Variants in SLC35F1 observed in about 807,000 individuals in gnomAD.
SLC35F1 encodes chromosome 6 open reading frame 169.
In SLC35F1, 14 loss-of-function variants were observed where a neutral mutation model predicts 48.7. The ratio of observed to expected loss-of-function variants is 0.29; its 90% CI spans 0.19 to 0.45. The LOEUF is 0.45. SLC35F1 is among the 20% of genes least tolerant of loss of function. The pLI is 1.00. For missense variants in SLC35F1, 404 were observed against 500.0 expected (o/e 0.81, Z 1.83); for synonymous variants, 190 against 202.2 (o/e 0.94, Z 0.51).
At chr6:118,167,029 A>T (rs1774328035) in intron 2 of SLC35F1, among the ~76,000 whole-genome samples, 1 of 152,076 alleles carries the variant, frequency 6.6e-6, no homozygotes, top group African/African-American at 2.4e-5. Context: ...TTCTTTCTTC[A>T]TGAATTCACT....
chr6:118,297,661 TAATA>T (rs1776206519), intron 7 of SLC35F1, among the ~76,000 whole-genome samples: 1 of 130,970 alleles, frequency 7.6e-6, no homozygotes, highest in African/African-American at 3.1e-5. Flanking sequence ...ATAATATATA[TAATA>T]TTATATAAGT....
intron 1 of SLC35F1, among the ~76,000 whole-genome samples, chr6:117,990,784 T>C (rs1776907092): frequency 6.6e-6 from 1 of 152,026 alleles, no homozygotes; most frequent in Non-Finnish European, 1.5e-5. Context: ...AGCAGAGAGG[T>C]TGTACAGAGA....
chr6:118,285,305 C>A lies in SLC35F1; in HGVS notation c.969C>A (p.Ser323Arg). The change falls in exon 7 of 8, where the codon AGC becomes AGA. Residue 323 changes from serine to arginine, a missense_variant. Physicochemically the swap from Ser to Arg is moderately radical, Grantham distance 110. Coordinates refer to ENST00000360388, the MANE Select transcript of SLC35F1 (RefSeq NM_001029858.4). ...NLSLLTADLY[S>R]LFCGLFLFHY... ...CCTTGCTCACAGCAGACTTGTACAG[C>A]CTGTTCTGTGGATTGTTTCTCTTCC... The A allele has an allele frequency of 6.2e-7, 1 of 1,613,932 alleles. No individual in the cohort carries two copies.
rs116865599 is a variant in SLC35F1 at position 118,287,077 on chromosome 6, G to A, written c.1002+1739G>A. Among the ~76,000 whole-genome samples, 490 of 152,200 alleles carry A rather than the reference G, an allele frequency of 3.2e-3. 17 individuals are homozygous for A. The East Asian group carries it at 0.086, about 27-fold the overall frequency. Reference sequence around the variant, plus strand: ...ATGTTTATTGTTTGCAGTTTGTTTCGTCTGTATGGAACAAGCTGCTTCCCA... The same window carrying A: ...ATGTTTATTGTTTGCAGTTTGTTTCATCTGTATGGAACAAGCTGCTTCCCA... On this transcript the variant is annotated intron_variant, in intron 7 of 7. Coordinates refer to ENST00000360388, the MANE Select transcript of SLC35F1 (RefSeq NM_001029858.4).
chr6:118,112,082 CTTTCTTTTCT>C (rs202065600), intron 1 of SLC35F1, among the ~76,000 whole-genome samples: 23,492 of 131,034 alleles, frequency 0.18, 2,531 homozygotes, highest in South Asian at 0.25. Flanking sequence ...TTCTTTATTT[CTTTCTTTTCT>C]TTTCTTTTCT....
chr6:118,143,461 G>T (rs1773922165), intron 1 of SLC35F1, among the ~76,000 whole-genome samples: 1 of 152,128 alleles, frequency 6.6e-6, no homozygotes, highest in South Asian at 2.1e-4. Flanking sequence ...AAATCTGTTA[G>T]TTTCATAATA....
chr6:118,026,486 G>T (rs1191462926), intron 1 of SLC35F1, among the ~76,000 whole-genome samples: 1 of 152,202 alleles, frequency 6.6e-6, no homozygotes, highest in African/African-American at 2.4e-5. Flanking sequence ...TTTAGGATGT[G>T]TTAATAAGAA....
chr6:118,077,644 G>T (rs1284348134), intron 1 of SLC35F1, among the ~76,000 whole-genome samples: 1 of 152,184 alleles, frequency 6.6e-6, no homozygotes, highest in Admixed American at 6.5e-5. Context: ...ATATAAAAAT[G>T]CTGGACAGCA....
At chr6:118,153,521 C>T (rs1055747364) in intron 1 of SLC35F1, among the ~76,000 whole-genome samples, 2 of 152,158 alleles carry the variant, frequency 1.3e-5, no homozygotes, top group Non-Finnish European at 2.9e-5. Flanking sequence ...CCAGACAAGT[C>T]AGATGTGACT....
At chr6:117,981,729 A>G (rs945733930) in intron 1 of SLC35F1, among the ~76,000 whole-genome samples, 1 of 152,208 alleles carries the variant, frequency 6.6e-6, no homozygotes, top group Non-Finnish European at 1.5e-5. Flanking sequence ...GTTAATGTTA[A>G]GCTTTACATT....
chr6:117,997,618 T>G (rs1381221725), intron 1 of SLC35F1, among the ~76,000 whole-genome samples: 2 of 152,184 alleles, frequency 1.3e-5, no homozygotes, highest in African/African-American at 4.8e-5. Flanking sequence ...GGGGCCAATA[T>G]TCAACATTCT....
intron 2 of SLC35F1, 92 bp from the exon 3 acceptor site, chr6:118,235,417 A>G (rs916862751): frequency 1.9e-5 from 23 of 1,202,166 alleles, no homozygotes; most frequent in Middle Eastern, 4.1e-4. Flanking sequence ...GGTTAAAAAT[A>G]TATAATGTTG....
intron 4 of SLC35F1, among the ~76,000 whole-genome samples, chr6:118,268,329 G>C (rs1775803634): frequency 6.6e-6 from 1 of 151,864 alleles, no homozygotes; most frequent in Admixed American, 6.6e-5. Flanking sequence ...GACAGCCTCA[G>C]CCTCACACAT....
intron 6 of SLC35F1, among the ~76,000 whole-genome samples, chr6:118,284,026 A>AT (rs773251423): frequency 1.0e-3 from 159 of 152,250 alleles, no homozygotes; most frequent in Non-Finnish European, 1.8e-3. Context: ...GTTCAGAATA[A>AT]TTTTTTTGTA....
At position 118,311,935 on chromosome 6, in the gene SLC35F1, C is replaced by T. The variant is rs577447208; in HGVS notation, c.1003-2093C>T. On this transcript the variant is annotated intron_variant, in intron 7 of 7. Coordinates refer to ENST00000360388, the MANE Select transcript of SLC35F1 (RefSeq NM_001029858.4). Reference sequence around the variant, plus strand: ...GAAGCTAATGTGAATTGAATGTTTACAGCAAGATAGGAACTATAAGTGTTC... The same window carrying T: ...GAAGCTAATGTGAATTGAATGTTTATAGCAAGATAGGAACTATAAGTGTTC... Among the ~76,000 whole-genome samples the T allele has an allele frequency of 5.0e-4, 76 of 152,234 alleles. 1 individual carries two copies. The highest frequency in any genetic ancestry group is 1.8e-3 in the African/African-American group (75 of 41,532).
At chr6:117,996,541 C>T (rs1422705612) in intron 1 of SLC35F1, among the ~76,000 whole-genome samples, 1 of 152,180 alleles carries the variant, frequency 6.6e-6, no homozygotes, top group East Asian at 1.9e-4. Flanking sequence ...CCAGTAGGGG[C>T]AGACTGACAC....
At chr6:118,041,078 A>G (rs1462712242) in intron 1 of SLC35F1, among the ~76,000 whole-genome samples, 2 of 152,198 alleles carry the variant, frequency 1.3e-5, no homozygotes, top group African/African-American at 4.8e-5. Context: ...TTATAAGAAT[A>G]TAACAAAACT....
chr6:117,968,919 T>C (rs961565938), intron 1 of SLC35F1, among the ~76,000 whole-genome samples: 1 of 152,240 alleles, frequency 6.6e-6, no homozygotes, highest in East Asian at 1.9e-4. Flanking sequence ...TCTATATATC[T>C]CTTTTTCCCT....
intron 3 of SLC35F1, among the ~76,000 whole-genome samples, chr6:118,237,376 G>T (rs940172990): frequency 6.6e-6 from 1 of 151,964 alleles, no homozygotes; most frequent in Non-Finnish European, 1.5e-5. Context: ...GCAAATTCCA[G>T]AGGGAGAATA....
Sources: gnomAD v4.1 joint callset for allele counts (sites outside exome capture counted in the v4.1 genomes callset) on GRCh38, gnomAD v4.1.1 for gene constraint, MANE v1.5 for transcripts, NCBI Gene and HGNC (gene_info 2026-07-23, HGNC 2026-07-21) for gene names.